Variants in IL11RA observed in about 807,000 individuals in gnomAD.
The protein encoded by IL11RA is interleukin-11 receptor subunit alpha.
IL11RA carries 51 observed loss-of-function variants against 57.0 expected under a neutral mutation model. The ratio of observed to expected loss-of-function variants is 0.89; its 90% CI spans 0.71 to 1.13. The LOEUF (loss-of-function observed/expected upper bound fraction) is 1.13, where lower values mean the gene tolerates loss of function less well. Among genes scored for constraint, IL11RA ranks in the 50% most tolerant of loss-of-function variants. The probability of loss-of-function intolerance (pLI) is 0.00; values close to 1 mark genes in which losing one functional copy is unlikely to be tolerated. For synonymous variants in IL11RA, 199 were observed against 217.5 expected, an observed-to-expected ratio of 0.91 and a Z score of 0.75; for missense variants, 498 against 539.4, an observed-to-expected ratio of 0.92 and a Z score of 0.76.
chr9:34,660,747 C>A, intron 11 of IL11RA, 107 bp from the exon 12 acceptor site: 1 of 1,214,632 alleles, frequency 8.2e-7, no homozygotes, highest in Non-Finnish European at 1.2e-6. Flanking sequence ...CCCCATGCCC[C>A]ACTTGATTTT....
In IL11RA at chr9:34,658,466, G is replaced by C; in HGVS notation, c.647-54G>C. On this transcript the variant is annotated intron_variant, in intron 7 of 12. Transcript: ENST00000441545. This position sits in a 1 kb window ranked among gnomAD's most constrained non-coding sequence, Gnocchi z 4.0. Reference sequence around the variant, plus strand: ...TAAACACACACTTTGGGAAGTGGTGGGGAAGTGATGGAGACCCATAGCCTA... The same window carrying C: ...TAAACACACACTTTGGGAAGTGGTGCGGAAGTGATGGAGACCCATAGCCTA... The C allele has an allele frequency of 6.4e-7, 1 of 1,573,326 alleles. No individual in the cohort carries two copies. The highest frequency in any genetic ancestry group is 8.8e-7 in the Non-Finnish European group (1 of 1,142,780).
At chr9:34,660,808 AG>A in intron 11 of IL11RA, 45 bp from the exon 12 acceptor site, 1 of 1,542,242 alleles carries the variant, frequency 6.5e-7, no homozygotes, top group Non-Finnish European at 9.0e-7. Flanking sequence ...GCGGAGACTG[AG>A]ATAACCCACA....
chr9:34,657,377 A>T (rs1821366293), intron 6 of IL11RA, 42 bp downstream of exon 6: 1 of 1,614,028 alleles, frequency 6.2e-7, no homozygotes, highest in African/African-American at 1.3e-5. Context: ...GCTGGGTCCC[A>T]CAGTAGGCAT....
chr9:34,658,788 C>A lies in IL11RA; in HGVS notation c.810+105C>A. 1 of 1,249,566 alleles carries A rather than the reference C, an allele frequency of 8.0e-7. No individual in the cohort carries two copies. The highest frequency in any genetic ancestry group is 1.1e-6 in the Non-Finnish European group (1 of 870,286). 77.4% of individuals were successfully genotyped at this position (1,249,566 alleles called of 1,614,324 possible). ...TCCAGTGCTGGCAGGTCACTGAAGA[C>A]CCAACACTTCCCTGTGGGCCAGGCT... On this transcript the variant is annotated intron_variant, in intron 8 of 12. Transcript: ENST00000441545. The surrounding 1 kb of genome is among the most constrained non-coding windows in gnomAD (Gnocchi z 4.0).
chr9:34,660,370 T>A lies in IL11RA; in HGVS notation c.1049T>A (p.Leu350His). ...AGCCCTGCTCCTCCAAGGCCCTCCC[T>A]CCAACCACACCCTCGGCTACTTGGT... Reference protein sequence around the residue: ...VDSPAPPRPSLQPHPRLLDHR... With the variant: ...VDSPAPPRPSHQPHPRLLDHR... The change falls in exon 10 of 13, where the codon CTC becomes CAC. Residue 350 changes from leucine to histidine, a missense_variant. Leu to His is a moderately conservative substitution (Grantham distance 99). Coordinates refer to ENST00000441545, the MANE Select transcript of IL11RA (RefSeq NM_001142784.3). 6.2e-7 allele frequency: 1 copy of A among 1,614,046 alleles called. No homozygotes were observed. The highest frequency in any genetic ancestry group is 8.5e-7 in the Non-Finnish European group (1 of 1,179,962).
Position 34,660,405 on chromosome 9 carries a change from C to T in IL11RA, c.1072+12C>T, listed in dbSNP as rs371336564. 5.0e-6 allele frequency: 8 copies of T among 1,613,834 alleles called. No individual in the cohort carries two copies. The highest frequency in any genetic ancestry group is 4.0e-5 in the African/African-American group (3 of 74,902). ...CCCTCGGCTACTTGGTGAGCTTGGG[C>T]AGATGGGCAAGACTTGTAAAGGACT... On this transcript the variant is annotated intron_variant, in intron 10 of 12. Coordinates refer to ENST00000441545, the MANE Select transcript of IL11RA (RefSeq NM_001142784.3).
Position 34,656,900 on chromosome 9 carries a change from A to G in IL11RA, c.323A>G (p.Gln108Arg), listed in dbSNP as rs774380890. 2 of 1,614,008 alleles carry G rather than the reference A, an allele frequency of 1.2e-6. No homozygotes were observed. Among genetic ancestry groups the G allele is most frequent in the African/African-American group, 2.7e-5 (2 of 74,930 alleles). Residue 108 changes from glutamine (Q) to arginine (R), a missense_variant, in exon 4 of 13, where the codon CAG (glutamine) becomes CGG (arginine). Physicochemically the swap from Gln to Arg is conservative, Grantham distance 43. Transcript: ENST00000441545. ...DGALGGTVTL[Q>R]LGYPPARPVV... ...GCACTTGGGGGCACAGTGACCCTGC[A>G]GCTGGGCTGTGAGTTGGGGAGGGTG...
At position 34,661,666 on chromosome 9, in the gene IL11RA, G is replaced by A. The variant is rs545396699; in HGVS notation, c.*168G>A. 53 of 803,780 alleles carry A rather than the reference G, an allele frequency of 6.6e-5. No individual in the cohort carries two copies. The African/African-American group carries it at 8.1e-4, about 12-fold the overall frequency. The allele number at this position is 803,780 out of a possible 1,614,324, so 49.8% of individuals were successfully genotyped here. On this transcript the variant is annotated 3_prime_UTR_variant, in exon 13 of 13. Coordinates refer to ENST00000441545, the MANE Select transcript of IL11RA (RefSeq NM_001142784.3). ...TCAAATTTGCAGCTGAAAGGTGCTT[G>A]TACCTCTGATTTCACCCCAGAGTTG...
chr9:34,654,368 C>G (rs998381240), intron 1 of IL11RA, among the ~76,000 whole-genome samples: 17 of 152,274 alleles, frequency 1.1e-4, no homozygotes, highest in African/African-American at 4.1e-4. Flanking sequence ...CTGAGTATCT[C>G]TTGGTGCTGT....
intron 3 of IL11RA, 27 bp downstream of exon 3, chr9:34,655,692 T>C (rs749981741): frequency 6.2e-7 from 1 of 1,600,330 alleles, no homozygotes; most frequent in Admixed American, 1.7e-5. Context: ...CCTGTTGGTC[T>C]GACACTCATG....
intron 3 of IL11RA, among the ~76,000 whole-genome samples, chr9:34,656,275 A>G (rs912391613): frequency 3.3e-5 from 5 of 151,924 alleles, no homozygotes; most frequent in African/African-American, 9.7e-5. Context: ...CAAGTAATCC[A>G]CCCACCTCAG....
In IL11RA at chr9:34,660,025, A is replaced by C. The variant is rs145933079; in HGVS notation, c.952+125A>C. The C allele has an allele frequency of 8.3e-5, 110 of 1,323,810 alleles. 1 individual carries two copies. In the African/African-American group the frequency reaches 1.3e-3, roughly 16 times the overall value. The allele number at this position is 1,323,810 out of a possible 1,614,324, so 82.0% of individuals were successfully genotyped here. ...ACACAGGCACGGCAATTGCTGTCCCAGACTTCAGACTTGTTTGCCTACAGC... is the reference window on the plus strand; with the variant it reads ...ACACAGGCACGGCAATTGCTGTCCCCGACTTCAGACTTGTTTGCCTACAGC... On this transcript the variant is annotated intron_variant, in intron 9 of 12. Transcript: ENST00000441545.
In IL11RA at chr9:34,659,702, G is replaced by A; in HGVS notation, c.811-57G>A. ...GCAAGGGGTGCTCTTTGTAGATGGT[G>A]GCTGGGAAGGCCCTGCACTTACAAG... On this transcript the variant is annotated intron_variant, in intron 8 of 12. Coordinates refer to ENST00000441545, the MANE Select transcript of IL11RA (RefSeq NM_001142784.3). The A allele has an allele frequency of 1.9e-6, 3 of 1,608,050 alleles. 1 individual carries two copies. In the South Asian group the frequency reaches 3.3e-5, roughly 18 times the overall value.
chr9:34,655,499 G>A (rs1166644058), intron 2 of IL11RA, 106 bp from the exon 3 acceptor site: 1 of 1,014,662 alleles, frequency 9.9e-7, no homozygotes. Flanking sequence ...TTGATCCAGT[G>A]AGCCCCCCAC....
At chr9:34,655,697 C>T (rs1821331279) in intron 3 of IL11RA, 32 bp downstream of exon 3, 1 of 1,594,372 alleles carries the variant, frequency 6.3e-7, no homozygotes, top group Non-Finnish European at 8.6e-7. Flanking sequence ...TGGTCTGACA[C>T]TCATGACCCT....
At chr9:34,655,480 CATG>C (rs2132353845) in intron 2 of IL11RA, 122 bp from the exon 3 acceptor site, 1 of 920,476 alleles carries the variant, frequency 1.1e-6, no homozygotes, top group East Asian at 2.6e-5. Context: ...CAGATTATAA[CATG>C]ATGCTTTGAT....
rs1821306398 is a variant in IL11RA, at chr9:34,654,614, G to A, written c.1-604G>A. 2.0e-5 allele frequency among the ~76,000 whole-genome samples: 3 copies of A among 152,300 alleles called. No individual in the cohort carries two copies. In the South Asian group the frequency reaches 6.2e-4, roughly 32 times the overall value. ...AACGAAGTGTCAAGAGCCAGGCCCA[G>A]CTGAGTGGCCCAAGTAGCCAGACCA... On this transcript the variant is annotated intron_variant, in intron 1 of 12. Transcript: ENST00000441545.
rs762844418 is a variant in IL11RA at position 34,658,658 on chromosome 9, C to T, written c.785C>T (p.Pro262Leu). 39 of 1,613,470 alleles carry T rather than the reference C, an allele frequency of 2.4e-5. No homozygotes were observed. Among genetic ancestry groups the T allele is most frequent in the East Asian group, 8.9e-5 (4 of 44,886 alleles). Residue 262 changes from proline to leucine, a missense_variant, in exon 8 of 13, where the codon CCG becomes CTG. By Grantham distance (98) the Pro-to-Leu change is moderately conservative. Transcript: ENST00000441545. The surrounding 1 kb of genome is among the most constrained non-coding windows in gnomAD (Gnocchi z 4.0). ...CTCAAGTTCCGTTTGCAGTACCGTC[C>T]GGCGCAGCATCCAGCCTGGTCCACG... ...FLLKFRLQYR[P>L]AQHPAWSTVE... is the part of the protein sequence containing the mutation.
chr9:34,659,842 T>C lies in IL11RA; in HGVS notation c.894T>C (p.Phe298=), dbSNP rs202184326. The part of the protein sequence containing the change: ...PHAVRVSARD[F]LDAGTWSTWS... ...CTGTACGAGTCAGTGCCCGGGACTT[T>C]CTAGATGCTGGCACCTGGAGCACCT... The change falls in exon 9 of 13, where the codon TTT becomes TTC. Residue 298 remains phenylalanine, a synonymous_variant. Coordinates refer to ENST00000441545, the MANE Select transcript of IL11RA (RefSeq NM_001142784.3). 3.7e-5 allele frequency: 60 copies of C among 1,614,166 alleles called. No individual in the cohort carries two copies. In the African/African-American group the frequency reaches 6.8e-4, roughly 18 times the overall value.
Sources: allele counts gnomAD v4.1 joint callset (sites outside exome capture counted in the v4.1 genomes callset), GRCh38; gene constraint gnomAD v4.1.1; non-coding constraint Gnocchi (gnomAD v3.1); transcripts MANE v1.5; gene names NCBI Gene and HGNC (gene_info 2026-07-23, HGNC 2026-07-21).